Variants in NAA15 observed in about 807,000 individuals in gnomAD.
NAA15 encodes the protein N-alpha-acetyltransferase 15, NatA auxiliary subunit.
A neutral mutation model predicts 114.0 loss-of-function variants in NAA15; 34 were observed. That is an observed-to-expected ratio of 0.30 (90% confidence interval 0.23 to 0.40). The LOEUF (loss-of-function observed/expected upper bound fraction) is 0.40, where lower values mean the gene tolerates loss of function less well. Among genes scored for constraint, NAA15 ranks in the 10% least tolerant of loss-of-function variants. NAA15 has a pLI of 1.00. For missense variants in NAA15, 658 were observed against 1,004.5 expected, an observed-to-expected ratio of 0.66 and a Z score of 4.66; for synonymous variants, 340 against 338.0, an observed-to-expected ratio of 1.01 and a Z score of -0.06.
intron 1 of NAA15, among the ~76,000 whole-genome samples, chr4:139,311,044 T>A (rs1368711056): frequency 6.6e-6 from 1 of 151,292 alleles, no homozygotes; most frequent in African/African-American, 2.5e-5. Context: ...CCCACCTTAG[T>A]CTTCTGGGTA....
At chr4:139,375,511 T>G (rs1425529608) in intron 15 of NAA15, among the ~76,000 whole-genome samples, 1 of 152,130 alleles carries the variant, frequency 6.6e-6, no homozygotes. Context: ...CCAGAAGCTG[T>G]TTTGGTGAAA....
rs200180790 is a variant in NAA15 at position 139,342,878 on chromosome 4, T to C, written c.455T>C (p.Ile152Thr). The C allele has an allele frequency of 6.2e-7, 1 of 1,613,734 alleles. No individual in the cohort carries two copies. The highest frequency in any genetic ancestry group is 8.5e-7 in the Non-Finnish European group (1 of 1,179,700). Residue 152 changes from isoleucine (I) to threonine (T), a missense_variant, in exon 5 of 20, where the codon ATT (isoleucine) becomes ACT (threonine). Physicochemically the swap from Ile to Thr is moderately conservative, Grantham distance 89 (BLOSUM62 -1). Coordinates refer to ENST00000296543, the MANE Select transcript of NAA15 (RefSeq NM_057175.5). The part of the protein sequence containing the change: ...QLRPAQRASW[I>T]GYAIAYHLLE... ...CGACCTGCGCAGAGAGCATCATGGA[T>C]TGGTTATGCTATTGCTTACCATTTA...
At chr4:139,359,302 A>G (rs1371285960) in intron 11 of NAA15, among the ~76,000 whole-genome samples, 1 of 151,648 alleles carries the variant, frequency 6.6e-6, no homozygotes, top group Admixed American at 6.6e-5. Flanking sequence ...TTTACTTTGT[A>G]TTTTTAGTAG....
chr4:139,368,237 A>G (rs566573026), intron 14 of NAA15, among the ~76,000 whole-genome samples: 3 of 152,322 alleles, frequency 2.0e-5, no homozygotes, highest in African/African-American at 7.2e-5. Context: ...TTCAGAAGTC[A>G]CTTAGCTGTA....
rs1196256562 is a variant in NAA15, at chr4:139,383,860, A to G, written c.2156-972A>G. On this transcript the variant is annotated intron_variant, in intron 17 of 19. Transcript: ENST00000296543. ...TACATAGTTTCTGAAATAAAGGTCA[A>G]TGACATCAACCATGTTTTCTTTTGT... 3.9e-5 allele frequency among the ~76,000 whole-genome samples: 6 copies of G among 152,240 alleles called. No individual in the cohort carries two copies. The East Asian group carries it at 5.8e-4, about 15-fold the overall frequency.
At chr4:139,332,642 G>A (rs1747060723) in intron 1 of NAA15, among the ~76,000 whole-genome samples, 2 of 140,906 alleles carry the variant, frequency 1.4e-5, no homozygotes, top group South Asian at 4.6e-4. Flanking sequence ...GAGTGTGGTG[G>A]TGCGATCTCT....
rs536172619 is a variant in NAA15, at chr4:139,323,784, T to C, written c.55-10390T>C. The stretch of plus-strand genomic sequence containing the variant: ...GAAAACAGCTATTTTATGTTTACTT[T>C]CCAGTTTTATAGTTGGCAGGAACCT... On this transcript the variant is annotated intron_variant, in intron 1 of 19. Coordinates refer to ENST00000296543, the MANE Select transcript of NAA15 (RefSeq NM_057175.5). Among the ~76,000 whole-genome samples the C allele has an allele frequency of 6.5e-4, 99 of 152,338 alleles. 2 individuals carry two copies. In the South Asian group the frequency reaches 0.019, roughly 29 times the overall value.
At chr4:139,356,445 A>G (rs1214443812) in intron 10 of NAA15, 4 of 152,114 alleles carry the variant, frequency 2.6e-5, no homozygotes, top group Non-Finnish European at 5.9e-5. Flanking sequence ...ACTTTTTTCC[A>G]TGATTTCATT....
chr4:139,352,961 C>G (rs561656865), intron 9 of NAA15, among the ~76,000 whole-genome samples: 2 of 152,206 alleles, frequency 1.3e-5, no homozygotes, highest in South Asian at 4.1e-4. Context: ...AGCCACCATG[C>G]CTGGCCAAGT....
chr4:139,346,076 G>A (rs755530780), intron 6 of NAA15, among the ~76,000 whole-genome samples: 5 of 152,102 alleles, frequency 3.3e-5, no homozygotes, highest in Admixed American at 6.5e-5. Context: ...TTTTCATAGC[G>A]TGTATTTGTG....
At chr4:139,379,872 C>T (rs374446134) in intron 17 of NAA15, among the ~76,000 whole-genome samples, 7 of 152,158 alleles carry the variant, frequency 4.6e-5, no homozygotes, top group African/African-American at 1.4e-4. Flanking sequence ...AGCGAACCCC[C>T]GTCTCTACCA....
intron 10 of NAA15, among the ~76,000 whole-genome samples, chr4:139,356,870 A>G (rs1389298664): frequency 6.6e-6 from 1 of 152,054 alleles, no homozygotes; most frequent in African/African-American, 2.4e-5. Flanking sequence ...ATCTTTGCAT[A>G]TTCAGCATAT....
Position 139,366,694 on chromosome 4 carries a change from A to G in NAA15, c.1754-3517A>G, listed in dbSNP as rs534140565. ...CTCAGTCATAGCTCATTGCAGCCTC[A>G]AACTCCTGGGCTCAGCCAGTCCCCC... On this transcript the variant is annotated intron_variant, in intron 14 of 19. Transcript: ENST00000296543. Among the ~76,000 whole-genome samples, 23 of 151,600 alleles carry G rather than the reference A, an allele frequency of 1.5e-4. No homozygotes were observed. In the South Asian group the frequency reaches 4.6e-3, roughly 30 times the overall value.
chr4:139,328,118 A>ATTTT (rs35354123), intron 1 of NAA15, among the ~76,000 whole-genome samples: 1 of 149,346 alleles, frequency 6.7e-6, no homozygotes. Context: ...TAGCCCACTG[A>ATTTT]TTTTTTTTTT....
chr4:139,378,964 TACTA>T (rs1259986057), intron 17 of NAA15, 110 bp downstream of exon 17: 22 of 667,702 alleles, frequency 3.3e-5, no homozygotes, highest in Non-Finnish European at 5.4e-5. Flanking sequence ...AGCTGTCACA[TACTA>T]AATTAGCTAA....
At chr4:139,328,937 T>C (rs1746901263) in intron 1 of NAA15, among the ~76,000 whole-genome samples, 2 of 150,708 alleles carry the variant, frequency 1.3e-5, no homozygotes, top group Non-Finnish European at 2.9e-5. Context: ...TGATCTTGAC[T>C]CAACTCACTG....
intron 1 of NAA15, among the ~76,000 whole-genome samples, chr4:139,311,952 C>T (rs562857385): frequency 8.0e-5 from 12 of 150,936 alleles, no homozygotes; most frequent in African/African-American, 2.7e-4. Context: ...GGCACCATAG[C>T]GAGACTCTAT....
Position 139,384,824 on chromosome 4 carries a change from T to G in NAA15, c.2156-8T>G, listed in dbSNP as rs1748850849. The G allele has an allele frequency of 1.4e-6, 2 of 1,381,762 alleles. No individual in the cohort carries two copies. Among genetic ancestry groups the G allele is most frequent in the African/African-American group, 3.0e-5 (2 of 67,050 alleles). The allele number at this position is 1,381,762 out of a possible 1,614,324, so 85.6% of individuals were successfully genotyped here. ...CAACTGCTAAGATTTTATTTTTAAT[T>G]TATTCAGCAGTGTGTGAAAGTAAAG... On this transcript the variant is annotated splice_region_variant and splice_polypyrimidine_tract_variant and intron_variant, in intron 17 of 19. Transcript: ENST00000296543.
Position 139,338,062 on chromosome 4 carries a change from A to G in NAA15, c.244+1110A>G, listed in dbSNP as rs77368783. Among the ~76,000 whole-genome samples, 143 of 152,302 alleles carry G rather than the reference A, an allele frequency of 9.4e-4. 1 individual carries two copies. The highest frequency in any genetic ancestry group is 3.3e-3 in the African/African-American group (137 of 41,568). ...ATTTGAGTTCCTCTTGATGGACATA[A>G]TTTTCTTTAAATATTTGGCAATGTT... On this transcript the variant is annotated intron_variant, in intron 3 of 19. Coordinates refer to ENST00000296543, the MANE Select transcript of NAA15 (RefSeq NM_057175.5).
Sources: allele counts gnomAD v4.1 joint callset (sites outside exome capture counted in the v4.1 genomes callset), GRCh38; gene constraint gnomAD v4.1.1; transcripts MANE v1.5; gene names NCBI Gene and HGNC (gene_info 2026-07-23, HGNC 2026-07-21).